Variants in SANBR observed in about 807,000 individuals in gnomAD.
The protein encoded by SANBR is SANT and BTB domain regulator of CSR.
Under a neutral mutation model 101.8 loss-of-function variants are expected in SANBR, and 77 were observed. The ratio of observed to expected loss-of-function variants is 0.76; its 90% CI spans 0.63 to 0.91. The LOEUF (loss-of-function observed/expected upper bound fraction) is 0.91, where lower values mean the gene tolerates loss of function less well. Among genes scored for constraint, SANBR ranks in the 40% least tolerant of loss-of-function variants. SANBR has a pLI of 0.00. For synonymous variants in SANBR, 279 were observed against 274.7 expected, an observed-to-expected ratio of 1.02 and a Z score of -0.15; for missense variants, 875 against 853.0, an observed-to-expected ratio of 1.03 and a Z score of -0.32.
chr2:61,125,098 TA>T (rs1017087635), downstream of SANBR, among the ~76,000 whole-genome samples: 1 of 152,214 alleles, frequency 6.6e-6, no homozygotes, highest in Admixed American at 6.5e-5. Context: ...TTCTCCTATT[TA>T]AAGCTGATCT....
At chr2:61,081,352 T>A in intron 6 of SANBR, 100 bp from the exon 7 acceptor site, 1 of 1,165,370 alleles carries the variant, frequency 8.6e-7, no homozygotes, top group Non-Finnish European at 1.2e-6. Context: ...ATTAAATTAT[T>A]CTTATTCCAG....
At chr2:61,106,511 A>T in intron 13 of SANBR, 52 bp from the exon 14 acceptor site, 1 of 1,259,668 alleles carries the variant, frequency 7.9e-7, no homozygotes. Flanking sequence ...ATTCACATTT[A>T]AATTTTTAAG....
At chr2:61,073,032 A>G (rs1006490346) in intron 4 of SANBR, among the ~76,000 whole-genome samples, 2 of 151,802 alleles carry the variant, frequency 1.3e-5, no homozygotes, top group African/African-American at 4.8e-5. Context: ...GCTTCAACTG[A>G]CACAGTAGTG....
Position 61,123,719 on chromosome 2 carries a change from C to CAAACTG in SANBR, c.*1558_*1563dup. ...TGATTTTTAACTGATGGTAAAAAGG[C>CAAACTG]AAACTGCTTCTCCCCTGGGAGGCCT... On this transcript the variant is annotated 3_prime_UTR_variant, in exon 22 of 22. Coordinates refer to ENST00000402291, the MANE Select transcript of SANBR (RefSeq NM_001129993.3). 1.0e-6 allele frequency: 1 copy of CAAACTG among 985,294 alleles called. No individual in the cohort carries two copies. Among genetic ancestry groups the CAAACTG allele is most frequent in the Non-Finnish European group, 1.2e-6 (1 of 829,726 alleles). The allele number at this position is 985,294 out of a possible 1,614,324, so 61.0% of individuals were successfully genotyped here. A position where few individuals can be genotyped will look rare whatever the true frequency, so the allele number is the denominator to read the frequency against.
chr2:61,075,357 A>G (rs1681710430), intron 5 of SANBR, among the ~76,000 whole-genome samples: 1 of 152,164 alleles, frequency 6.6e-6, no homozygotes. Context: ...CCCTGGGTTC[A>G]GGTGATCCTC....
At chr2:61,109,359 T>C (rs1359608332) in intron 16 of SANBR, 63 bp downstream of exon 16, 5 of 898,298 alleles carry the variant, frequency 5.6e-6, no homozygotes, top group African/African-American at 3.4e-5. Flanking sequence ...TCTGAAGCCT[T>C]TAATGCAAGG....
At chr2:61,117,260 T>A in intron 17 of SANBR, 97 bp from the exon 18 acceptor site, 2 of 1,147,228 alleles carry the variant, frequency 1.7e-6, no homozygotes, top group Non-Finnish European at 2.6e-6. Context: ...TACAGTGTCT[T>A]CACACTCAGT....
downstream of SANBR, among the ~76,000 whole-genome samples, chr2:61,126,411 A>G (rs919616924): frequency 1.3e-5 from 2 of 152,124 alleles, no homozygotes; most frequent in African/African-American, 4.8e-5. Flanking sequence ...CTTCTGTATA[A>G]CTTGTGCTCA....
At chr2:61,134,879 C>T (rs1005488191) in intron 21 of SANBR, among the ~76,000 whole-genome samples, 8 of 151,628 alleles carry the variant, frequency 5.3e-5, no homozygotes, top group African/African-American at 1.2e-4. Context: ...TGCAACAGAG[C>T]GAGACTCAAA....
intron 8 of SANBR, among the ~76,000 whole-genome samples, chr2:61,084,206 G>A (rs1573607012): frequency 6.6e-6 from 1 of 152,132 alleles, no homozygotes; most frequent in Middle Eastern, 3.4e-3. Context: ...CACCCGCCTT[G>A]GCCTCCCAAA....
chr2:61,122,091 C>G, intron 21 of SANBR, 35 bp from the exon 22 acceptor site: 3 of 1,544,656 alleles, frequency 1.9e-6, no homozygotes, highest in South Asian at 2.4e-5. Flanking sequence ...GTTTTAGAAG[C>G]AATTCTGACC....
downstream of SANBR, among the ~76,000 whole-genome samples, chr2:61,128,750 C>A (rs1467948301): frequency 6.6e-6 from 1 of 152,116 alleles, no homozygotes. Context: ...TGCCTCGGCC[C>A]CCCAGAGTGC....
intron 6 of SANBR, among the ~76,000 whole-genome samples, chr2:61,077,846 CAG>C (rs955651650): frequency 3.4e-4 from 52 of 152,156 alleles, no homozygotes; most frequent in South Asian, 2.1e-4. Flanking sequence ...GAACAACTGA[CAG>C]AGAAATAATG....
intron 11 of SANBR, among the ~76,000 whole-genome samples, chr2:61,094,524 T>C (rs1276740748): frequency 6.6e-6 from 1 of 152,178 alleles, no homozygotes. Flanking sequence ...CATTCACCAG[T>C]TGGAGGATGT....
chr2:61,076,860 A>G, intron 5 of SANBR, 60 bp from the exon 6 acceptor site: 2 of 1,202,240 alleles, frequency 1.7e-6, no homozygotes, highest in South Asian at 2.6e-5. Context: ...AAATGTCAGT[A>G]TTCTTGACTC....
intron 16 of SANBR, among the ~76,000 whole-genome samples, chr2:61,112,810 T>G (rs1683897997): frequency 6.6e-6 from 1 of 152,210 alleles, no homozygotes; most frequent in Admixed American, 6.5e-5. Context: ...CTTAATGATG[T>G]ATTTTGAAGA....
chr2:61,073,520 A>G lies in SANBR; in HGVS notation c.400A>G (p.Asn134Asp). The change falls in exon 5 of 22, where the codon AAT (asparagine) becomes GAT (aspartate). Residue 134 changes from asparagine (N) to aspartate (D), a missense_variant. Asn to Asp is a conservative substitution (Grantham distance 23). Transcript: ENST00000402291. ...AGAAAGTGAAAATTGTACTACTCAT[A>G]ATGGTGGAGAAATGACTGAAGAATC... is the stretch of plus-strand genomic sequence containing the variant. ...SSESENCTTH[N>D]GGEMTEESEG... is the part of the protein sequence containing the mutation. The G allele has an allele frequency of 6.3e-7, 1 of 1,579,630 alleles. No homozygotes were observed. The highest frequency in any genetic ancestry group is 8.6e-7 in the Non-Finnish European group (1 of 1,158,996).
chr2:61,137,814 C>A (rs563182888), exon 22 of SANBR: 11 of 152,270 alleles, frequency 7.2e-5, no homozygotes, highest in African/African-American at 2.2e-4. Context: ...TTATTATGCC[C>A]ATGCATGTTG....
At position 61,071,634 on chromosome 2, in the gene SANBR, G is replaced by T. The variant is rs147321950; in HGVS notation, c.179G>T (p.Ser60Ile). ...ECAKRFDELK[S>I]SGSSPVDNQY... is the part of the protein sequence containing the mutation. ...GCAAAAAGGTTTGATGAATTAAAGA[G>T]CAGTGGAAGCTCGCCTGTTGACAAC... Residue 60 changes from serine (S) to isoleucine (I), a missense_variant, in exon 4 of 22, where the codon AGC becomes ATC. Physicochemically the swap from Ser to Ile is moderately radical, Grantham distance 142. Coordinates refer to ENST00000402291, the MANE Select transcript of SANBR (RefSeq NM_001129993.3). 7.6e-5 allele frequency: 119 copies of T among 1,572,974 alleles called. 1 individual carries two copies. The African/African-American group carries it at 1.5e-3, about 20-fold the overall frequency.
Sources: allele counts gnomAD v4.1 joint callset (sites outside exome capture counted in the v4.1 genomes callset), GRCh38; gene constraint gnomAD v4.1.1; transcripts MANE v1.5; gene names NCBI Gene and HGNC (gene_info 2026-07-23, HGNC 2026-07-21).